Variants in CNTN6 observed in about 807,000 individuals in gnomAD.
CNTN6 encodes the protein contactin 6, also known as contactin-6.
In CNTN6, 137 loss-of-function variants were observed where a neutral mutation model predicts 122.8. The ratio of observed to expected loss-of-function variants is 1.12; its 90% CI spans 0.97 to 1.29. The LOEUF (loss-of-function observed/expected upper bound fraction) is 1.29. Ranked by LOEUF, CNTN6 falls within the 50% of genes most tolerant of loss-of-function variation. CNTN6 has a pLI of 0.00. For missense variants in CNTN6, 1,634 were observed against 1,223.4 expected, an observed-to-expected ratio of 1.34 and a Z score of -5.01; for synonymous variants, 570 against 426.0, an observed-to-expected ratio of 1.34 and a Z score of -4.16.
At chr3:1,305,049 A>G (rs948735142) in intron 7 of CNTN6, among the ~76,000 whole-genome samples, 1 of 151,634 alleles carries the variant, frequency 6.6e-6, no homozygotes, top group Non-Finnish European at 1.5e-5. Context: ...CTGTGTTTTA[A>G]TGAGAAGAAA....
rs149361333 is a variant in CNTN6, at chr3:1,236,475, A to G, written c.358+8482A>G. Among the ~76,000 whole-genome samples, 533 of 144,756 alleles carry G rather than the reference A, an allele frequency of 3.7e-3. 4 individuals carry two copies. Among genetic ancestry groups the G allele is most frequent in the African/African-American group, 0.014 (503 of 35,118 alleles). 95.0% of individuals were successfully genotyped at this position (144,756 alleles called of 152,430 possible). A position where few individuals can be genotyped will look rare whatever the true frequency, so the allele number is the denominator to read the frequency against. On this transcript the variant is annotated intron_variant, in intron 4 of 22. Coordinates refer to ENST00000446702, the MANE Select transcript of CNTN6 (RefSeq NM_001289080.2). ...GCTCCACTGGGTGCCAGATCCAGAA[A>G]AGCAAAGCAATCACTACAGTTCAGT...
chr3:1,165,324 T>A (rs2093222241), intron 2 of CNTN6, among the ~76,000 whole-genome samples: 1 of 152,172 alleles, frequency 6.6e-6, no homozygotes, highest in Non-Finnish European at 1.5e-5. Flanking sequence ...TCAGCCCCAC[T>A]CTTCCTCCCA....
In CNTN6 at chr3:1,327,491, T is replaced by C; in HGVS notation, c.1118T>C (p.Ile373Thr). 1 of 1,610,976 alleles carries C rather than the reference T, an allele frequency of 6.2e-7. No individual in the cohort carries two copies. Among genetic ancestry groups the C allele is most frequent in the Non-Finnish European group, 8.5e-7 (1 of 1,178,072 alleles). The change falls in exon 10 of 23, where the codon ATA becomes ACA. Residue 373 changes from isoleucine to threonine, a missense_variant. By Grantham distance (89) the Ile-to-Thr change is moderately conservative. Transcript: ENST00000446702. ...RIQIENGTLI[I>T]TMLNVSDSGV... ...CAAATAGAAAATGGGACACTCATCA[T>C]AACGATGCTGAATGTGTCAGATTCT...
At chr3:1,124,808 CTTAGACCAAATGAG>C (rs2092100329) in intron 1 of CNTN6, among the ~76,000 whole-genome samples, 1 of 151,842 alleles carries the variant, frequency 6.6e-6, no homozygotes, top group Non-Finnish European at 1.5e-5. Context: ...TCTGACTTTC[CTTAGACCAAATGAG>C]TTACTTGTGC....
chr3:1,359,857 A>C (rs155896), intron 12 of CNTN6, among the ~76,000 whole-genome samples: 29,615 of 151,954 alleles, frequency 0.19, 3,859 homozygotes, highest in East Asian at 0.65. Flanking sequence ...TCAGAGTATT[A>C]GCTTTGATTT....
chr3:1,098,408 T>A (rs1184517695), intron 1 of CNTN6, among the ~76,000 whole-genome samples: 1 of 152,012 alleles, frequency 6.6e-6, no homozygotes, highest in Non-Finnish European at 1.5e-5. Flanking sequence ...GTTGTTGTTG[T>A]TCTTTTTTTA....
At chr3:1,227,793 C>A in intron 3 of CNTN6, 25 bp from the exon 4 acceptor site, 1 of 1,608,368 alleles carries the variant, frequency 6.2e-7, no homozygotes, top group Non-Finnish European at 8.5e-7. Flanking sequence ...ATATTATAAG[C>A]ACTTTATTTT....
At chr3:1,255,371 T>C (rs932092356) in intron 4 of CNTN6, among the ~76,000 whole-genome samples, 1 of 149,844 alleles carries the variant, frequency 6.7e-6, no homozygotes, top group African/African-American at 2.5e-5. Context: ...ACACCACGTT[T>C]AAAGCCTATG....
rs1266062822 is a variant in CNTN6, at chr3:1,327,528, A to C, written c.1155A>C (p.Gln385His). Residue 385 changes from glutamine (Q) to histidine (H), a missense_variant, in exon 10 of 23, where the codon CAA becomes CAC. Physicochemically the swap from Gln to His is conservative, Grantham distance 24 (BLOSUM62 0). Coordinates refer to ENST00000446702, the MANE Select transcript of CNTN6 (RefSeq NM_001289080.2). Reference protein sequence around the residue: ...MLNVSDSGVYQCAAENKYQII... With the variant: ...MLNVSDSGVYHCAAENKYQII... ...ATGTGTCAGATTCTGGTGTGTACCA[A>C]TGTGCTGCAGAAAACAAATATCAGA... 6.2e-7 allele frequency: 1 copy of C among 1,610,914 alleles called. No homozygotes were observed. The highest frequency in any genetic ancestry group is 1.3e-5 in the African/African-American group (1 of 74,712).
intron 1 of CNTN6, among the ~76,000 whole-genome samples, chr3:1,138,559 G>T (rs1263459370): frequency 1.3e-4 from 19 of 151,920 alleles, no homozygotes; most frequent in Admixed American, 1.2e-3. Context: ...CAAAACAGAA[G>T]AGAAAGAAAC....
At chr3:1,343,620 G>A (rs1704211148) in intron 11 of CNTN6, among the ~76,000 whole-genome samples, 1 of 152,016 alleles carries the variant, frequency 6.6e-6, no homozygotes, top group South Asian at 2.1e-4. Flanking sequence ...TATTTATTAA[G>A]TACCTGCTAA....
chr3:1,392,569 AC>A (rs2126229320), intron 20 of CNTN6, among the ~76,000 whole-genome samples: 1 of 148,016 alleles, frequency 6.8e-6, no homozygotes, highest in African/African-American at 2.5e-5. Flanking sequence ...ATCTAATTAA[AC>A]TAAAGAGCTT....
intron 2 of CNTN6, among the ~76,000 whole-genome samples, chr3:1,158,847 T>C (rs1474731992): frequency 1.1e-5 from 1 of 92,134 alleles, no homozygotes; most frequent in African/African-American, 5.2e-5. Context: ...CACATATATA[T>C]ACATACATAT....
At position 1,372,396 on chromosome 3, in the gene CNTN6, A is replaced by G. The variant is rs1306449392; in HGVS notation, c.1590A>G (p.Glu530=). ...PCQVSHDPSI[E]VVFVWFFNGD... is the part of the protein sequence containing the mutation. ...AGGTGTCCCATGACCCCTCCATTGAAGTGGTATTTGTATGGTTTTTCAATG... is the reference window on the plus strand; with the variant it reads ...AGGTGTCCCATGACCCCTCCATTGAGGTGGTATTTGTATGGTTTTTCAATG... Residue 530 remains glutamate (E), a synonymous_variant, in exon 13 of 23, where the codon GAA becomes GAG. Transcript: ENST00000446702. 8 of 1,613,322 alleles carry G rather than the reference A, an allele frequency of 5.0e-6. No individual in the cohort carries two copies. The East Asian group carries it at 1.6e-4, about 31-fold the overall frequency.
chr3:1,227,547 T>A (rs189023923), intron 3 of CNTN6, among the ~76,000 whole-genome samples: 9 of 152,316 alleles, frequency 5.9e-5, no homozygotes, highest in African/African-American at 1.7e-4. Flanking sequence ...CTGTCTAATT[T>A]TTATTTCTCA....
intron 8 of CNTN6, among the ~76,000 whole-genome samples, chr3:1,325,204 T>C (rs751932429): frequency 6.6e-6 from 1 of 151,798 alleles, no homozygotes; most frequent in Non-Finnish European, 1.5e-5. Context: ...TAAAGAAAAT[T>C]TGGAAAACTC....
intron 12 of CNTN6, among the ~76,000 whole-genome samples, chr3:1,372,042 T>G (rs1331670777): frequency 6.6e-6 from 1 of 152,192 alleles, no homozygotes; most frequent in Non-Finnish European, 1.5e-5. Flanking sequence ...ATGCCATTTT[T>G]TGAGGTCTAC....
At chr3:1,225,254 G>T (rs904035378) in intron 3 of CNTN6, among the ~76,000 whole-genome samples, 1 of 152,188 alleles carries the variant, frequency 6.6e-6, no homozygotes, top group East Asian at 1.9e-4. Flanking sequence ...AGAAATGTGT[G>T]CATGACAATC....
At chr3:1,323,369 A>G (rs1011632727) in intron 8 of CNTN6, among the ~76,000 whole-genome samples, 2 of 151,804 alleles carry the variant, frequency 1.3e-5, no homozygotes, top group Non-Finnish European at 2.9e-5. Flanking sequence ...AGCTCATTGT[A>G]CTATATCTCA....
Sources: allele counts gnomAD v4.1 joint callset (sites outside exome capture counted in the v4.1 genomes callset), GRCh38; gene constraint gnomAD v4.1.1; transcripts MANE v1.5; gene names NCBI Gene and HGNC (gene_info 2026-07-23, HGNC 2026-07-21).